The following NIPBL variants were observed in gnomAD, a reference collection of about 807,000 sequenced individuals.
NIPBL encodes the protein nipped-B-like protein.
NIPBL carries 19 observed loss-of-function variants against 321.8 expected under a neutral mutation model. The ratio of observed to expected loss-of-function variants is 0.06; its 90% CI spans 0.04 to 0.09. The LOEUF (loss-of-function observed/expected upper bound fraction) is 0.09, where lower values mean the gene tolerates loss of function less well. Among genes scored for constraint, NIPBL ranks in the 10% least tolerant of loss-of-function variants. The pLI, the probability that NIPBL is intolerant of heterozygous loss-of-function variation, is 1.00. For synonymous variants in NIPBL, 1,106 were observed against 1,114.1 expected (o/e 0.99, Z 0.14); for missense variants, 2,210 against 3,327.0 (o/e 0.66, Z 8.26).
At chr5:36,975,452 T>C (rs939254308) in intron 8 of NIPBL, among the ~76,000 whole-genome samples, 4 of 152,172 alleles carry the variant, frequency 2.6e-5, no homozygotes, top group African/African-American at 4.8e-5. Flanking sequence ...GTATCATCTT[T>C]AGAAGCAATG....
chr5:36,916,071 G>A (rs1222821512), intron 1 of NIPBL, among the ~76,000 whole-genome samples: 1 of 152,190 alleles, frequency 6.6e-6, no homozygotes, highest in African/African-American at 2.4e-5. Flanking sequence ...TTTCATTTGT[G>A]GTAGTTGTCC....
intron 45 of NIPBL, among the ~76,000 whole-genome samples, chr5:37,062,336 A>C (rs1754808550): frequency 6.6e-6 from 1 of 152,176 alleles, no homozygotes; most frequent in Non-Finnish European, 1.5e-5. Flanking sequence ...CTTTTCTGAT[A>C]ACCAATATTA....
intron 39 of NIPBL, among the ~76,000 whole-genome samples, 160 bp downstream of exon 39, chr5:37,048,835 C>G (rs1462408146): frequency 2.0e-5 from 3 of 152,024 alleles, no homozygotes; most frequent in Non-Finnish European, 4.4e-5. Context: ...TTAGCATATT[C>G]TTAAATTCTC....
intron 43 of NIPBL, among the ~76,000 whole-genome samples, chr5:37,058,474 C>T (rs566785214): frequency 1.8e-4 from 28 of 152,064 alleles, no homozygotes; most frequent in Non-Finnish European, 3.7e-4. Flanking sequence ...ATTATCTTGC[C>T]GAAATGTTCT....
chr5:36,975,659 A>C, intron 8 of NIPBL, 117 bp from the exon 9 acceptor site: 1 of 996,274 alleles, frequency 1.0e-6, no homozygotes, highest in Admixed American at 2.2e-5. Context: ...AGCTTGGATT[A>C]TATAATTTCT....
At chr5:37,003,140 C>CT (rs1264176362) in intron 15 of NIPBL, 121 bp from the exon 16 acceptor site, 7 of 667,488 alleles carry the variant, frequency 1.0e-5, no homozygotes, top group Non-Finnish European at 1.9e-5. Flanking sequence ...TTTTCTTACT[C>CT]TTTAAGAGGG....
chr5:36,985,258 C>T lies in NIPBL; in HGVS notation c.2078C>T (p.Ser693Leu), dbSNP rs1411864734. 1.9e-6 allele frequency: 3 copies of T among 1,613,470 alleles called. No individual in the cohort carries two copies. The highest frequency in any genetic ancestry group is 2.7e-5 in the African/African-American group (2 of 74,840). The change falls in exon 10 of 47, where the codon TCA (serine) becomes TTA (leucine). Residue 693 changes from serine to leucine, a missense_variant. Around this residue, in one of 14 missense-constraint regions of NIPBL, gnomAD observed 588 missense variants for 564.1 expected, o/e 1.04. Transcript: ENST00000282516. ...GACAACAAACAAAATAATGGCAGATCAGAAACAACAAAATCAAGGCCTGAA... is the reference window on the plus strand; with the variant it reads ...GACAACAAACAAAATAATGGCAGATTAGAAACAACAAAATCAAGGCCTGAA... The part of the protein sequence containing the change: ...PNDNKQNNGR[S>L]ETTKSRPETP...
chr5:37,016,660 G>C (rs1457722308), intron 23 of NIPBL, among the ~76,000 whole-genome samples: 2 of 152,020 alleles, frequency 1.3e-5, no homozygotes, highest in Admixed American at 1.3e-4. Flanking sequence ...TTTTGTGAAT[G>C]GGAAAATATG....
At chr5:36,953,968 G>T (rs1335132204) in intron 2 of NIPBL, among the ~76,000 whole-genome samples, 2 of 152,090 alleles carry the variant, frequency 1.3e-5, no homozygotes, top group African/African-American at 4.8e-5. Context: ...TCAGTAATCT[G>T]TTGGAGCTTG....
intron 9 of NIPBL, among the ~76,000 whole-genome samples, chr5:36,978,603 T>A (rs1023624064): frequency 6.6e-6 from 1 of 152,066 alleles, no homozygotes; most frequent in Admixed American, 6.6e-5. Flanking sequence ...TAAGTCCCAT[T>A]TGTCAATTTT....
intron 32 of NIPBL, among the ~76,000 whole-genome samples, chr5:37,030,919 C>CTT (rs11291612): frequency 2.2e-3 from 179 of 82,304 alleles, no homozygotes; most frequent in Non-Finnish European, 2.7e-3. Context: ...CATGTTTAGC[C>CTT]TTTTTTTTTT....
At chr5:36,940,486 T>C (rs182174276) in intron 1 of NIPBL, among the ~76,000 whole-genome samples, 6 of 152,302 alleles carry the variant, frequency 3.9e-5, no homozygotes, top group East Asian at 3.9e-4. Flanking sequence ...GCTCTGTCCT[T>C]CTTCAGGGAC....
At chr5:37,003,557 T>C (rs1278756187) in intron 16 of NIPBL, among the ~76,000 whole-genome samples, 7 of 152,180 alleles carry the variant, frequency 4.6e-5, no homozygotes, top group Admixed American at 4.6e-4. Context: ...AAATTAAGTT[T>C]TATCTTAGGT....
chr5:37,015,477 G>A (rs966637269), intron 22 of NIPBL, among the ~76,000 whole-genome samples: 1 of 151,700 alleles, frequency 6.6e-6, no homozygotes, highest in Admixed American at 6.6e-5. Flanking sequence ...GCTCACACCT[G>A]TAATCCCAGC....
In NIPBL at chr5:37,053,723, A is replaced by G. The variant is rs74728183; in HGVS notation, c.7263+1157A>G. 9.5e-3 allele frequency among the ~76,000 whole-genome samples: 1,443 copies of G among 152,350 alleles called. 12 individuals are homozygous for G. The highest frequency in any genetic ancestry group is 0.02 in the Middle Eastern group (6 of 294). The stretch of plus-strand genomic sequence containing the variant: ...TTGCATTGGCCAGGACCATAGGCCA[A>G]GAAAACTGAATATTCTTTAAAGTTT... On this transcript the variant is annotated intron_variant, in intron 42 of 46. Coordinates refer to ENST00000282516, the MANE Select transcript of NIPBL (RefSeq NM_133433.4).
chr5:36,915,237 T>C (rs1748369781), intron 1 of NIPBL, among the ~76,000 whole-genome samples: 1 of 152,154 alleles, frequency 6.6e-6, no homozygotes, highest in South Asian at 2.1e-4. Context: ...ATATAAACTT[T>C]AGTAACATGT....
Position 37,058,828 on chromosome 5 carries a change from G to A in NIPBL, c.7411-63G>A, listed in dbSNP as rs368920783. The A allele has an allele frequency of 1.2e-5, 18 of 1,468,704 alleles. No homozygotes were observed. In the South Asian group the frequency reaches 1.6e-4, roughly 13 times the overall value. The allele number at this position is 1,468,704 out of a possible 1,614,324, so 91.0% of individuals were successfully genotyped here. ...AAGCTTTTTCAAGCTGTTGAATGGA[G>A]CATACTTATATTTACTAGTGGCATT... is the stretch of plus-strand genomic sequence containing the variant. On this transcript the variant is annotated intron_variant, in intron 43 of 46. Coordinates refer to ENST00000282516, the MANE Select transcript of NIPBL (RefSeq NM_133433.4).
Position 37,052,440 on chromosome 5 carries a change from A to G in NIPBL, c.7137A>G (p.Val2379=). The G allele has an allele frequency of 6.2e-7, 1 of 1,614,164 alleles. No individual in the cohort carries two copies. The highest frequency in any genetic ancestry group is 8.5e-7 in the Non-Finnish European group (1 of 1,180,014). ...QAINTCLKDP[V]RGFRQDESSS... is the part of the protein sequence containing the mutation. ...TCAACACATGCCTAAAAGATCCTGT[A>G]AGGGGTTTCAGACAAGACGAGTCCT... Residue 2379 remains valine (V), a synonymous_variant, in exon 42 of 47, where the codon GTA becomes GTG. Transcript: ENST00000282516.
At chr5:36,901,310 T>G (rs535499665) in intron 1 of NIPBL, among the ~76,000 whole-genome samples, 30 of 152,198 alleles carry the variant, frequency 2.0e-4, no homozygotes, top group Non-Finnish European at 3.7e-4. Flanking sequence ...TATTCCATGG[T>G]GTATATGTAC....
Sources: allele counts gnomAD v4.1 joint callset (sites outside exome capture counted in the v4.1 genomes callset), GRCh38; gene constraint gnomAD v4.1.1; regional missense constraint gnomAD v4.1.1; transcripts MANE v1.5; gene names NCBI Gene and HGNC (gene_info 2026-07-23, HGNC 2026-07-21).